Variants in ZNF287 observed in about 807,000 individuals in gnomAD.
The protein encoded by ZNF287 is zinc finger protein with KRAB and SCAN domains 13.
ZNF287 carries 31 observed loss-of-function variants against 73.7 expected under a neutral mutation model. The ratio of observed to expected loss-of-function variants is 0.42; its 90% CI spans 0.32 to 0.57. The LOEUF is 0.57. Among genes scored for constraint, ZNF287 ranks in the 20% least tolerant of loss-of-function variants. ZNF287 has a pLI of 0.13. For synonymous variants in ZNF287, 301 were observed against 307.2 expected (o/e 0.98, Z 0.21); for missense variants, 641 against 909.3 (o/e 0.70, Z 3.79).
Position 16,553,005 on chromosome 17 carries a change from T to C in ZNF287, c.1137A>G (p.Lys379=). 6.2e-7 allele frequency: 1 copy of C among 1,614,106 alleles called. No homozygotes were observed. The highest frequency in any genetic ancestry group is 8.5e-7 in the Non-Finnish European group (1 of 1,180,010). Residue 379 remains lysine, a synonymous_variant, in exon 6 of 6, where the codon AAA becomes AAG. Transcript: ENST00000395825. ...KCNVCGKKFR[K]YPSLLKHQST... ...TTTGGTGTTTCAGGAGGGATGGGTA[T>C]TTCCTAAATTTTTTCCCACACACAT...
At position 16,552,692 on chromosome 17, in the gene ZNF287, C is replaced by A; in HGVS notation, c.1450G>T (p.Glu484Ter). The A allele has an allele frequency of 6.2e-7, 1 of 1,614,084 alleles. No individual in the cohort carries two copies. Among genetic ancestry groups the A allele is most frequent in the East Asian group, 2.2e-5 (1 of 44,880 alleles). ...CTATGACTGAAGGTTTTACCACATTCCAAGCATTTATATGGTTTCTCTCCA... is the reference window on the plus strand; with the variant it reads ...CTATGACTGAAGGTTTTACCACATTACAAGCATTTATATGGTTTCTCTCCA... ...HTGEKPYKCLECGKTFSHSSS... is the reference protein window; with the variant it reads ...HTGEKPYKCL Residue 484 changes from glutamate to a stop codon, truncating the protein, a stop_gained, in exon 6 of 6, where the codon GAA becomes TAA. Transcript: ENST00000395825. LOFTEE classifies it high-confidence loss of function. The surrounding 1 kb of genome is among the most constrained non-coding windows in gnomAD (Gnocchi z 6.5).
chr17:16,548,261 C>G lies in ZNF287; in HGVS notation c.*3595G>C, dbSNP rs1012541866. On this transcript the variant is annotated 3_prime_UTR_variant, in exon 6 of 6. Transcript: ENST00000395825. ...CCTTTATATTGGGAAGATCTGGTGA[C>G]CTCAAATGAGTGATCCATTGATAAT... is the stretch of plus-strand genomic sequence containing the variant. Among the ~76,000 whole-genome samples the G allele has an allele frequency of 6.6e-5, 10 of 152,178 alleles. No individual in the cohort carries two copies. The highest frequency in any genetic ancestry group is 5.9e-4 in the Admixed American group (9 of 15,282).
At chr17:16,555,455 C>T (rs1480075500) in intron 5 of ZNF287, among the ~76,000 whole-genome samples, 1 of 152,144 alleles carries the variant, frequency 6.6e-6, no homozygotes, top group Admixed American at 6.6e-5. Context: ...AATAGCTTAT[C>T]CTTCTTTCAC....
intron 2 of ZNF287, 26 bp from the exon 3 acceptor site, chr17:16,566,648 GGA>G: frequency 1.3e-6 from 2 of 1,567,504 alleles, no homozygotes; most frequent in South Asian, 2.3e-5. Context: ...AGGTCATGAG[GGA>G]GATTAGTCCT....
At position 16,551,975 on chromosome 17, in the gene ZNF287, G is replaced by A. The variant is rs200067695; in HGVS notation, c.2167C>T (p.Gln723Ter). 6.2e-7 allele frequency: 1 copy of A among 1,614,056 alleles called. No individual in the cohort carries two copies. The highest frequency in any genetic ancestry group is 8.5e-7 in the Non-Finnish European group (1 of 1,179,984). ...GGTTTCTCTCCTGTGTGAATTCTCT[G>A]GTGTTGAATAAGGCATGTTCTCTGG... is the stretch of plus-strand genomic sequence containing the variant. ...FSQRTCLIQH[Q>*]RIHTGEKPYA... Residue 723 changes from glutamine (Q) to a stop codon, truncating the protein, a stop_gained, in exon 6 of 6, where the codon CAG becomes TAG. Coordinates refer to ENST00000395825, the MANE Select transcript of ZNF287 (RefSeq NM_020653.4). LOFTEE classifies it high-confidence loss of function.
chr17:16,564,983 G>A (rs1398846135), intron 3 of ZNF287, among the ~76,000 whole-genome samples: 1 of 152,034 alleles, frequency 6.6e-6, no homozygotes, highest in African/African-American at 2.4e-5. Flanking sequence ...GCCTCCCAAA[G>A]TGATAGGATG....
At chr17:16,558,539 A>T (rs1907221758) in intron 5 of ZNF287, among the ~76,000 whole-genome samples, 1 of 152,156 alleles carries the variant, frequency 6.6e-6, no homozygotes, top group East Asian at 1.9e-4. Flanking sequence ...AGTTCAAGTG[A>T]TCTGCCTGCC....
chr17:16,552,445 CATTTAT>C lies in ZNF287; in HGVS notation c.1691_1696del (p.Tyr564_Lys565del). ...AGCAAAGGCTTTTCCACATTCATTA[CATTTAT>C]AACACTTCTCTCCAGAATGAATTCT... On this transcript the variant is annotated inframe_deletion, in exon 6 of 6. Coordinates refer to ENST00000395825, the MANE Select transcript of ZNF287 (RefSeq NM_020653.4). This position sits in a 1 kb window ranked among gnomAD's most constrained non-coding sequence, Gnocchi z 6.5. The C allele has an allele frequency of 6.2e-7, 1 of 1,614,106 alleles. No homozygotes were observed. The highest frequency in any genetic ancestry group is 8.5e-7 in the Non-Finnish European group (1 of 1,179,980).
rs1296420646 is a variant in ZNF287, at chr17:16,548,205, G to A, written c.*3651C>T. 6.6e-6 allele frequency among the ~76,000 whole-genome samples: 1 copy of A among 152,198 alleles called. No individual in the cohort carries two copies. The highest frequency in any genetic ancestry group is 2.4e-5 in the African/African-American group (1 of 41,444). ...AAATATCCATGTGCTGCCAGTGTCAGTCCACAGATTAATTGCAATAGGAAA... is the reference window on the plus strand; with the variant it reads ...AAATATCCATGTGCTGCCAGTGTCAATCCACAGATTAATTGCAATAGGAAA... On this transcript the variant is annotated 3_prime_UTR_variant, in exon 6 of 6. Coordinates refer to ENST00000395825, the MANE Select transcript of ZNF287 (RefSeq NM_020653.4).
rs1198662984 is a variant in ZNF287, at chr17:16,550,664, A to G, written c.*1192T>C. On this transcript the variant is annotated 3_prime_UTR_variant, in exon 6 of 6. Transcript: ENST00000395825. ...TAGAAATCTTTCTGTTGTGTAAACC[A>G]CCTGTGATTTTCAGCACTGTAACAA... Among the ~76,000 whole-genome samples, 1 of 152,110 alleles carries G rather than the reference A, an allele frequency of 6.6e-6. No individual in the cohort carries two copies. Among genetic ancestry groups the G allele is most frequent in the African/African-American group, 2.4e-5 (1 of 41,430 alleles).
chr17:16,561,028 T>C (rs1374966449), intron 5 of ZNF287, among the ~76,000 whole-genome samples: 1 of 145,254 alleles, frequency 6.9e-6, no homozygotes, highest in African/African-American at 2.6e-5. Flanking sequence ...AAAATCACCA[T>C]TTTGCAGCTG....
intron 1 of ZNF287, 130 bp downstream of exon 1, chr17:16,568,822 C>A (rs1472358301): frequency 1.3e-5 from 2 of 152,446 alleles, no homozygotes; most frequent in African/African-American, 4.8e-5. Flanking sequence ...AACGCTGGGA[C>A]TGGGCCCACA....
intron 5 of ZNF287, among the ~76,000 whole-genome samples, chr17:16,560,380 A>C (rs776140698): frequency 1.6e-4 from 20 of 121,904 alleles, no homozygotes; most frequent in African/African-American, 2.8e-4. Flanking sequence ...GGTGGAGTCT[A>C]GCTCTGTTGC....
Position 16,552,623 on chromosome 17 carries a change from G to A in ZNF287, c.1519C>T (p.Pro507Ser). Residue 507 changes from proline to serine, a missense_variant, in exon 6 of 6, where the codon CCT becomes TCT. This residue lies in a region of ZNF287 where 284 missense variants were observed against 466.8 expected (regional missense o/e 0.61). Coordinates refer to ENST00000395825, the MANE Select transcript of ZNF287 (RefSeq NM_020653.4). This position sits in a 1 kb window ranked among gnomAD's most constrained non-coding sequence, Gnocchi z 6.5. Reference sequence around the variant, plus strand: ...TTCCCACATTCATTGCATATATAAGGTTTTTCTCCAGTATGAACTCTCTGA... The same window carrying A: ...TTCCCACATTCATTGCATATATAAGATTTTTCTCCAGTATGAACTCTCTGA... The part of the protein sequence containing the change: ...NHQRVHTGEK[P>S]YICNECGKTF... 1 of 1,614,076 alleles carries A rather than the reference G, an allele frequency of 6.2e-7. No individual in the cohort carries two copies. The highest frequency in any genetic ancestry group is 8.5e-7 in the Non-Finnish European group (1 of 1,179,994).
At position 16,553,052 on chromosome 17, in the gene ZNF287, C is replaced by T. The variant is rs781224454; in HGVS notation, c.1090G>A (p.Gly364Arg). The change falls in exon 6 of 6, where the codon GGA becomes AGA. Residue 364 changes from glycine to arginine, a missense_variant. This residue lies in a region of ZNF287 where 357 missense variants were observed against 442.4 expected (regional missense o/e 0.81). Transcript: ENST00000395825. ...ACATTACACTTGTAAGGCTTCTCTC[C>T]AGGAAGTATTTTCCTATGTACAATA... is the stretch of plus-strand genomic sequence containing the variant. ...YGIVHRKILP[G>R]EKPYKCNVCG... 1.5e-5 allele frequency: 25 copies of T among 1,614,022 alleles called. No individual in the cohort carries two copies. Among genetic ancestry groups the T allele is most frequent in the Non-Finnish European group, 1.9e-5 (23 of 1,180,012 alleles).
rs916814226 is a variant in ZNF287 at position 16,568,947 on chromosome 17, A to G, written c.-199+5T>C. On this transcript the variant is annotated splice_donor_5th_base_variant and intron_variant, in intron 1 of 5. Transcript: ENST00000395825. ...CACTCGCGCGCTGCGCCCGGACATC[A>G]ATACCTGTCGCTGGGACCCGGCCGA... The G allele has an allele frequency of 6.6e-6, 1 of 152,318 alleles. No homozygotes were observed. The highest frequency in any genetic ancestry group is 2.4e-5 in the African/African-American group (1 of 41,462). 9.4% of individuals were successfully genotyped at this position (152,318 alleles called of 1,614,324 possible).
At position 16,560,404 on chromosome 17, in the gene ZNF287, C is replaced by T. The variant is rs369060689; in HGVS notation, c.715+2742G>A. On this transcript the variant is annotated intron_variant, in intron 5 of 5. Coordinates refer to ENST00000395825, the MANE Select transcript of ZNF287 (RefSeq NM_020653.4). ...TAGCTCTGTTGCCCAGGCTGGAGTG[C>T]AGTGGCACAATCTTGGCTCACTGCA... Among the ~76,000 whole-genome samples the T allele has an allele frequency of 5.3e-5, 8 of 149,978 alleles. 1 individual carries two copies. The highest frequency in any genetic ancestry group is 1.3e-4 in the Admixed American group (2 of 15,042).
At chr17:16,560,308 GTGTATA>G (rs151225298) in intron 5 of ZNF287, among the ~76,000 whole-genome samples, 9,411 of 137,344 alleles carry the variant, frequency 0.069, 1,086 homozygotes, top group African/African-American at 0.24. Flanking sequence ...GTCAACAGTG[GTGTATA>G]TATATATATA....
intron 5 of ZNF287, chr17:16,557,946 C>T (rs912980724): frequency 2.0e-5 from 3 of 152,160 alleles, no homozygotes; most frequent in African/African-American, 7.2e-5. Flanking sequence ...CTATACATTG[C>T]CCTTTCTTGA....
Sources: gnomAD v4.1 joint callset for allele counts (sites outside exome capture counted in the v4.1 genomes callset) on GRCh38, gnomAD v4.1.1 for gene constraint, gnomAD v4.1.1 regional missense constraint, Gnocchi (gnomAD v3.1) non-coding constraint, MANE v1.5 for transcripts, NCBI Gene and HGNC (gene_info 2026-07-23, HGNC 2026-07-21) for gene names.